PCDHGA2: variants seen among roughly 807,000 people sequenced by gnomAD.
PCDHGA2 encodes the protein protocadherin gamma subfamily A, 2.
PCDHGA2 carries 40 observed loss-of-function variants against 59.2 expected under a neutral mutation model. The ratio of observed to expected loss-of-function variants is 0.68; its 90% CI spans 0.52 to 0.88. The LOEUF is 0.88. Ranked by LOEUF, PCDHGA2 falls within the 40% of genes least tolerant of loss-of-function variation. PCDHGA2 has a pLI of 0.00. For missense variants in PCDHGA2, 1,226 were observed against 1,204.0 expected (o/e 1.02, Z -0.27); for synonymous variants, 560 against 526.0 (o/e 1.06, Z -0.89).
intron 1 of PCDHGA2, chr5:141,356,099 A>C (rs769953317): frequency 1.2e-6 from 2 of 1,613,764 alleles, no homozygotes; most frequent in African/African-American, 1.3e-5. Flanking sequence ...CTGAGTGGGG[A>C]TATAACAATA....
chr5:141,361,309 T>A (rs754447823), intron 1 of PCDHGA2: 4 of 1,613,964 alleles, frequency 2.5e-6, no homozygotes, highest in South Asian at 2.2e-5. Context: ...AAATGCCAAG[T>A]TTATTTTGAA....
chr5:141,433,358 C>CCTATCTATCTATCTATCTAT (rs3074541), intron 1 of PCDHGA2: 39 of 504,044 alleles, frequency 7.7e-5, no homozygotes, highest in Admixed American at 1.8e-4. Context: ...CTACTGTCTG[C>CCTATCTATCTATCTATCTAT]CTATCTATCT....
At chr5:141,389,288 T>C (rs1434265418) in intron 1 of PCDHGA2, 1 of 1,613,906 alleles carries the variant, frequency 6.2e-7, no homozygotes, top group Admixed American at 1.7e-5. Flanking sequence ...CTGGAGCCTC[T>C]ATTTCACAAG....
intron 1 of PCDHGA2, chr5:141,388,297 T>C (rs2091308790): frequency 1.9e-6 from 3 of 1,613,660 alleles, no homozygotes; most frequent in African/African-American, 2.7e-5. Flanking sequence ...CAAAATTCCT[T>C]TGAGCTGCAA....
chr5:141,418,848 G>T (rs770294020), intron 1 of PCDHGA2: 1 of 1,613,954 alleles, frequency 6.2e-7, no homozygotes, highest in Non-Finnish European at 8.5e-7. Flanking sequence ...CTCTCAACAC[G>T]GTGTAAAGTA....
At chr5:141,408,815 C>T (rs770899981) in intron 1 of PCDHGA2, 1 of 1,613,406 alleles carries the variant, frequency 6.2e-7, no homozygotes, top group Non-Finnish European at 8.5e-7. Flanking sequence ...CCGGGAAGAA[C>T]AGAGATCTCA....
intron 1 of PCDHGA2, chr5:141,413,170 A>T (rs751830095): frequency 6.3e-7 from 1 of 1,595,602 alleles, no homozygotes; most frequent in South Asian, 1.1e-5. Context: ...CTGTAACCAG[A>T]CTACAATGGC....
intron 1 of PCDHGA2, among the ~76,000 whole-genome samples, chr5:141,420,701 T>C (rs371823252): frequency 7.2e-5 from 11 of 152,226 alleles, no homozygotes; most frequent in Admixed American, 5.9e-4. Flanking sequence ...TATTTCCACT[T>C]CCAGAAATGT....
At chr5:141,374,566 T>C (rs368553948) in intron 1 of PCDHGA2, 21 of 1,613,582 alleles carry the variant, frequency 1.3e-5, no homozygotes, top group South Asian at 3.3e-5. Flanking sequence ...ATGACCCTGA[T>C]GTGGGAATGA....
In PCDHGA2 at chr5:141,360,981, T is replaced by A. The variant is rs373943758; in HGVS notation, c.2424+19586T>A. The A allele has an allele frequency of 4.3e-6, 7 of 1,613,656 alleles. No homozygotes were observed. In the African/African-American group the frequency reaches 9.3e-5, roughly 22 times the overall value. ...ACGCAGAGATCACCTACTCCTTTCA[T>A]AATGTGGACGAACAAGTGAAACACT... On this transcript the variant is annotated intron_variant, in intron 1 of 3. Coordinates refer to ENST00000394576, the MANE Select transcript of PCDHGA2 (RefSeq NM_018915.4).
intron 1 of PCDHGA2, chr5:141,384,235 A>C (rs1779874846): frequency 1.2e-6 from 2 of 1,613,774 alleles, no homozygotes; most frequent in Admixed American, 1.7e-5. Context: ...GGCAGACACC[A>C]ACGATAACCC....
At chr5:141,393,944 A>G (rs756691407) in intron 1 of PCDHGA2, 3 of 1,613,998 alleles carry the variant, frequency 1.9e-6, no homozygotes, top group South Asian at 1.1e-5. Flanking sequence ...AAGACTCTGG[A>G]AAGAATGGTC....
At chr5:141,410,364 C>A in intron 1 of PCDHGA2, 1 of 1,614,064 alleles carries the variant, frequency 6.2e-7, no homozygotes, top group Non-Finnish European at 8.5e-7. Flanking sequence ...TCTCTCAGCC[C>A]TGCTACTTGG....
chr5:141,504,496 G>C (rs2099838771), intron 2 of PCDHGA2, among the ~76,000 whole-genome samples: 1 of 152,100 alleles, frequency 6.6e-6, no homozygotes, highest in Non-Finnish European at 1.5e-5. Flanking sequence ...CACCTGCCCA[G>C]TCTGAGTGGA....
intron 1 of PCDHGA2, among the ~76,000 whole-genome samples, chr5:141,455,650 C>T (rs1176718096): frequency 2.6e-5 from 4 of 151,994 alleles, no homozygotes; most frequent in African/African-American, 9.7e-5. Flanking sequence ...AGCCATGTGG[C>T]CAGGAACTTG....
intron 1 of PCDHGA2, chr5:141,371,686 C>G: frequency 6.2e-7 from 1 of 1,614,028 alleles, no homozygotes; most frequent in East Asian, 2.2e-5. Context: ...GGCAATCCAC[C>G]GCTCTCCTCC....
chr5:141,404,083 G>A (rs761560113), intron 1 of PCDHGA2: 7 of 1,613,736 alleles, frequency 4.3e-6, no homozygotes, highest in Admixed American at 3.3e-5. Context: ...GAGACTCCGG[G>A]AAGAATGGTC....
intron 2 of PCDHGA2, among the ~76,000 whole-genome samples, chr5:141,502,866 C>CTTTTTCTT (rs2099816520): frequency 1.6e-5 from 2 of 128,030 alleles, no homozygotes; most frequent in African/African-American, 6.2e-5. Flanking sequence ...GACTCTCTGT[C>CTTTTTCTT]TTTTTTTTTT....
chr5:141,477,438 C>G lies in PCDHGA2; in HGVS notation c.2425-17369C>G. 6.2e-7 allele frequency: 1 copy of G among 1,614,174 alleles called. No homozygotes were observed. Among genetic ancestry groups the G allele is most frequent in the Non-Finnish European group, 8.5e-7 (1 of 1,180,030 alleles). On this transcript the variant is annotated intron_variant, in intron 1 of 3. Coordinates refer to ENST00000394576, the MANE Select transcript of PCDHGA2 (RefSeq NM_018915.4). The surrounding 1 kb of genome is among the most constrained non-coding windows in gnomAD (Gnocchi z 4.9). ...GGAACCCCTTCCCTCTCAGCCCTTACAATAGTGCGTGTTCAAGTGTCCGAC... is the reference window on the plus strand; with the variant it reads ...GGAACCCCTTCCCTCTCAGCCCTTAGAATAGTGCGTGTTCAAGTGTCCGAC...
Sources: allele counts gnomAD v4.1 joint callset (sites outside exome capture counted in the v4.1 genomes callset), GRCh38; gene constraint gnomAD v4.1.1; non-coding constraint Gnocchi (gnomAD v3.1); transcripts MANE v1.5; gene names NCBI Gene and HGNC (gene_info 2026-07-23, HGNC 2026-07-21).